ARFGEF2: variants seen among roughly 807,000 people sequenced by gnomAD.
ARFGEF2 encodes ARF guanine nucleotide exchange factor 2.
Under a neutral mutation model 219.9 loss-of-function variants are expected in ARFGEF2, and 74 were observed. That is an observed-to-expected ratio of 0.34 (90% confidence interval 0.28 to 0.41). The LOEUF (loss-of-function observed/expected upper bound fraction) is 0.41. Among genes scored for constraint, ARFGEF2 ranks in the 10% least tolerant of loss-of-function variants. The probability of loss-of-function intolerance (pLI) is 1.00; values close to 1 mark genes in which losing one functional copy is unlikely to be tolerated. For missense variants in ARFGEF2, 1,743 were observed against 2,218.3 expected (o/e 0.79, Z 4.30); for synonymous variants, 733 against 799.2 (o/e 0.92, Z 1.40).
intron 23 of ARFGEF2, 78 bp from the exon 24 acceptor site, chr20:48,998,115 C>G: frequency 7.2e-7 from 1 of 1,385,834 alleles, no homozygotes; most frequent in Non-Finnish European, 1.0e-6. Flanking sequence ...CCTCCTCGGC[C>G]TCCCAAAGTG....
chr20:48,924,123 T>G (rs1176421570), intron 1 of ARFGEF2, among the ~76,000 whole-genome samples: 1 of 152,216 alleles, frequency 6.6e-6, no homozygotes, highest in Non-Finnish European at 1.5e-5. Context: ...AAATGACTGC[T>G]TTTACTTAGA....
chr20:49,001,454 C>T (rs1013806464), intron 25 of ARFGEF2, among the ~76,000 whole-genome samples: 1 of 152,186 alleles, frequency 6.6e-6, no homozygotes, highest in Non-Finnish European at 1.5e-5. Flanking sequence ...CTCAATCCAG[C>T]TGTAACTTAG....
At chr20:48,936,349 T>C (rs897974384) in intron 1 of ARFGEF2, among the ~76,000 whole-genome samples, 4 of 149,954 alleles carry the variant, frequency 2.7e-5, no homozygotes, top group Non-Finnish European at 4.5e-5. Flanking sequence ...GGCGGGGGGC[T>C]GACCCCCCCA....
At chr20:48,995,990 G>C (rs1390489240) in intron 23 of ARFGEF2, 108 bp downstream of exon 23, 1 of 1,020,316 alleles carries the variant, frequency 9.8e-7, no homozygotes, top group African/African-American at 1.6e-5. Context: ...TACAAGTGTT[G>C]TTAGCTACAA....
At chr20:48,929,411 AT>A (rs2090899446) in intron 1 of ARFGEF2, among the ~76,000 whole-genome samples, 1 of 152,228 alleles carries the variant, frequency 6.6e-6, no homozygotes, top group African/African-American at 2.4e-5. Flanking sequence ...CAGACCCAAC[AT>A]TTATTCAGAA....
intron 1 of ARFGEF2, among the ~76,000 whole-genome samples, chr20:48,935,709 A>G (rs8115321): frequency 0.69 from 98,712 of 142,650 alleles, 34,626 homozygotes; most frequent in African/African-American, 0.9. Context: ...CGGGGCGGCT[A>G]GCCGGGCGGG....
At chr20:48,949,350 C>T (rs772083433) in intron 3 of ARFGEF2, among the ~76,000 whole-genome samples, 9 of 152,204 alleles carry the variant, frequency 5.9e-5, no homozygotes, top group Non-Finnish European at 1.3e-4. Flanking sequence ...GTGCACAAAA[C>T]AGACTTGAGT....
intron 14 of ARFGEF2, among the ~76,000 whole-genome samples, chr20:48,981,648 A>G (rs2091296628): frequency 1.3e-5 from 2 of 152,150 alleles, no homozygotes. Flanking sequence ...CTTTTCACAT[A>G]GTCCCATATT....
intron 3 of ARFGEF2, among the ~76,000 whole-genome samples, chr20:48,948,437 G>T (rs1025509135): frequency 3.3e-5 from 5 of 152,150 alleles, no homozygotes; most frequent in Non-Finnish European, 7.3e-5. Flanking sequence ...CCTCCTTGGA[G>T]ACATGCCTCA....
chr20:48,926,153 A>T (rs1440921401), intron 1 of ARFGEF2, among the ~76,000 whole-genome samples: 1 of 152,208 alleles, frequency 6.6e-6, no homozygotes, highest in Admixed American at 6.5e-5. Context: ...CTGGCTCCAT[A>T]GTCCAAGATC....
At chr20:48,928,074 A>G (rs2123269634) in intron 1 of ARFGEF2, among the ~76,000 whole-genome samples, 1 of 152,304 alleles carries the variant, frequency 6.6e-6, no homozygotes, top group South Asian at 2.1e-4. Flanking sequence ...TAAAGATAGT[A>G]ATACCTTTGT....
At position 49,018,934 on chromosome 20, in the gene ARFGEF2, TGA is replaced by T. The variant is rs865800254; in HGVS notation, c.4564_4565del (p.Arg1522GlyfsTer7). ...TAAGCAGCATAGATAAAAATCCCTC[TGA>T]GAGGGGACAGAGCCAGCTCTCTAAC... is the stretch of plus-strand genomic sequence containing the variant. ...SLSSIDKNPS[E>X]RGQSQLSNPT... On this transcript the variant is annotated frameshift_variant, in exon 34 of 39. Transcript: ENST00000371917. LOFTEE classifies it high-confidence loss of function. The T allele has an allele frequency of 6.2e-7, 1 of 1,614,066 alleles. No homozygotes were observed. Among genetic ancestry groups the T allele is most frequent in the African/African-American group, 1.3e-5 (1 of 75,056 alleles).
intron 25 of ARFGEF2, among the ~76,000 whole-genome samples, chr20:49,004,519 A>T (rs910528442): frequency 6.6e-6 from 1 of 151,944 alleles, no homozygotes; most frequent in African/African-American, 2.4e-5. Flanking sequence ...AGAAAAAAAT[A>T]GGTTGGGCGC....
At chr20:48,977,248 A>T (rs2091267895) in intron 14 of ARFGEF2, among the ~76,000 whole-genome samples, 1 of 149,864 alleles carries the variant, frequency 6.7e-6, no homozygotes, top group African/African-American at 2.5e-5. Context: ...TGTCCTTGTG[A>T]TAGTTTGCTC....
intron 26 of ARFGEF2, among the ~76,000 whole-genome samples, chr20:49,006,079 T>A (rs1437311202): frequency 6.6e-6 from 1 of 152,048 alleles, no homozygotes; most frequent in Non-Finnish European, 1.5e-5. Flanking sequence ...GTGGATCACC[T>A]GAGCAGGAGT....
chr20:49,032,405 G>A (rs2091641328), intron 38 of ARFGEF2, among the ~76,000 whole-genome samples: 1 of 152,134 alleles, frequency 6.6e-6, no homozygotes, highest in Non-Finnish European at 1.5e-5. Context: ...GACCTCATGT[G>A]TTGCTGTTAG....
At position 49,013,853 on chromosome 20, in the gene ARFGEF2, A is replaced by G. The variant is rs1225103038; in HGVS notation, c.4072A>G (p.Ile1358Val). Reference sequence around the variant, plus strand: ...CAGGGGACTCACAGTCATGTTTGAGATCATGAAGAGCTATGGCCACACCTT... The same window carrying G: ...CAGGGGACTCACAGTCATGTTTGAGGTCATGAAGAGCTATGGCCACACCTT... ...RTRGLTVMFE[I>V]MKSYGHTFEK... The change falls in exon 30 of 39, where the codon ATC (isoleucine) becomes GTC (valine). Residue 1358 changes from isoleucine (I) to valine (V), a missense_variant. Transcript: ENST00000371917. 2.5e-6 allele frequency: 4 copies of G among 1,613,978 alleles called. No homozygotes were observed. In the Admixed American group the frequency reaches 6.7e-5, roughly 27 times the overall value.
At chr20:48,981,481 G>C (rs971379057) in intron 14 of ARFGEF2, among the ~76,000 whole-genome samples, 9 of 152,112 alleles carry the variant, frequency 5.9e-5, no homozygotes, top group Non-Finnish European at 1.3e-4. Context: ...TTCTCTAGGA[G>C]TATCTTTGTG....
rs150654534 is a variant in ARFGEF2 at position 48,966,481 on chromosome 20, T to C, written c.1059+458T>C. Among the ~76,000 whole-genome samples, 18 of 152,356 alleles carry C rather than the reference T, an allele frequency of 1.2e-4. No homozygotes were observed. In the East Asian group the frequency reaches 1.9e-3, roughly 16 times the overall value. On this transcript the variant is annotated intron_variant, in intron 8 of 38. Transcript: ENST00000371917. Reference sequence around the variant, plus strand: ...TCCACTTAAATAGAATAATACAGTATGTATCCTGTGTTGCAACCTGCTTTT... The same window carrying C: ...TCCACTTAAATAGAATAATACAGTACGTATCCTGTGTTGCAACCTGCTTTT...
Sources: gnomAD v4.1 joint callset for allele counts (sites outside exome capture counted in the v4.1 genomes callset) on GRCh38, gnomAD v4.1.1 for gene constraint, MANE v1.5 for transcripts, NCBI Gene and HGNC (gene_info 2026-07-23, HGNC 2026-07-21) for gene names.